FBXO21: variants seen among roughly 807,000 people sequenced by gnomAD.
FBXO21 encodes F-box only protein 21.
Under a neutral mutation model 76.6 loss-of-function variants are expected in FBXO21, and 32 were observed. That is an observed-to-expected ratio of 0.42 (90% CI 0.32 to 0.56). The LOEUF is 0.56. Ranked by LOEUF, FBXO21 falls within the 20% of genes least tolerant of loss-of-function variation. The probability of loss-of-function intolerance (pLI) is 0.16; values close to 1 mark genes in which losing one functional copy is unlikely to be tolerated. For synonymous variants in FBXO21, 328 were observed against 311.5 expected (o/e 1.05, Z -0.56); for missense variants, 586 against 797.3 (o/e 0.73, Z 3.19).
At position 117,165,559 on chromosome 12, in the gene FBXO21, T is replaced by C. The variant is rs1305801772; in HGVS notation, c.1252A>G (p.Met418Val). Residue 418 changes from methionine (M) to valine (V), a missense_variant, in exon 9 of 12, where the codon ATG becomes GTG. Coordinates refer to ENST00000622495, the MANE Select transcript of FBXO21 (RefSeq NM_015002.3). Reference protein sequence around the residue: ...LRDSLDLYLAMYPDQVQLLLL... With the variant: ...LRDSLDLYLAVYPDQVQLLLL... ...AGAAGCTGCACCTGGTCCGGGTACA[T>C]TGCCAGATAGAGATCCAGCGAGTCT... 10 of 1,613,830 alleles carry C rather than the reference T, an allele frequency of 6.2e-6. No homozygotes were observed. The highest frequency in any genetic ancestry group is 1.1e-5 in the South Asian group (1 of 91,072).
At chr12:117,190,128 G>A in intron 1 of FBXO21, 90 bp downstream of exon 1, 2 of 645,046 alleles carry the variant, frequency 3.1e-6, no homozygotes, top group Non-Finnish European at 3.8e-6. Flanking sequence ...CGCGCGCGGG[G>A]CGGCCGCGGG....
At chr12:117,183,525 C>T (rs925802658) in intron 3 of FBXO21, among the ~76,000 whole-genome samples, 3 of 152,356 alleles carry the variant, frequency 2.0e-5, no homozygotes, top group Admixed American at 1.3e-4. Flanking sequence ...TCCCAAAGTG[C>T]TGGGATTACA....
chr12:117,146,569 G>A (rs1296349832), intron 11 of FBXO21, among the ~76,000 whole-genome samples: 3 of 152,186 alleles, frequency 2.0e-5, no homozygotes, highest in South Asian at 2.1e-4. Flanking sequence ...GTCTCTTGGG[G>A]ACTGGCAAAC....
At chr12:117,187,758 C>T (rs1956298142) in intron 2 of FBXO21, among the ~76,000 whole-genome samples, 1 of 152,198 alleles carries the variant, frequency 6.6e-6, no homozygotes, top group Admixed American at 6.5e-5. Flanking sequence ...ATGGAGGTTG[C>T]AGGCTCATAG....
chr12:117,190,127 G>C (rs1191240037), intron 1 of FBXO21, 91 bp downstream of exon 1: 1 of 647,706 alleles, frequency 1.5e-6, no homozygotes, highest in Non-Finnish European at 1.9e-6. Context: ...CCGCGCGCGG[G>C]GCGGCCGCGG....
intron 11 of FBXO21, among the ~76,000 whole-genome samples, chr12:117,153,749 T>C (rs1955876090): frequency 6.6e-6 from 1 of 152,270 alleles, no homozygotes; most frequent in African/African-American, 2.4e-5. Flanking sequence ...TCTCATAGTG[T>C]AGGAACAGCT....
At chr12:117,179,747 T>G (rs772793210) in intron 3 of FBXO21, among the ~76,000 whole-genome samples, 1 of 152,216 alleles carries the variant, frequency 6.6e-6, no homozygotes, top group Non-Finnish European at 1.5e-5. Context: ...GTTCATTCAT[T>G]TGAGGTTACG....
intron 11 of FBXO21, among the ~76,000 whole-genome samples, chr12:117,149,924 G>T (rs987437477): frequency 3.9e-5 from 6 of 152,120 alleles, no homozygotes; most frequent in Admixed American, 3.9e-4. Context: ...TGCATGAGAA[G>T]TCCAGGCAGG....
chr12:117,171,311 T>C (rs1014656701), intron 7 of FBXO21, among the ~76,000 whole-genome samples: 2 of 144,022 alleles, frequency 1.4e-5, no homozygotes, highest in Non-Finnish European at 3.0e-5. Context: ...TAAGCCAAGA[T>C]TGCGCCAATG....
intron 9 of FBXO21, among the ~76,000 whole-genome samples, chr12:117,159,982 C>T (rs1267465649): frequency 1.3e-5 from 2 of 152,164 alleles, no homozygotes; most frequent in Admixed American, 1.3e-4. Context: ...GGCACCATGC[C>T]GTCCCCACCA....
At chr12:117,173,858 T>C (rs1956143597) in intron 6 of FBXO21, among the ~76,000 whole-genome samples, 1 of 152,092 alleles carries the variant, frequency 6.6e-6, no homozygotes, top group Non-Finnish European at 1.5e-5. Flanking sequence ...AAAAAATACA[T>C]ATAGGATGGG....
Position 117,190,443 on chromosome 12 carries a change from G to T in FBXO21, c.14C>A (p.Ala5Glu). 3 of 1,373,948 alleles carry T rather than the reference G, an allele frequency of 2.2e-6. No individual in the cohort carries two copies. The highest frequency in any genetic ancestry group is 2.9e-6 in the Non-Finnish European group (3 of 1,028,536). 85.1% of individuals were successfully genotyped at this position (1,373,948 alleles called of 1,614,324 possible). The stretch of plus-strand genomic sequence containing the variant: ...CACCACCTCCATCGCGCTGTCGACT[G>T]CTGCCGCCGCCATCTTGTCCGCGTA... Reference protein sequence around the residue: MAAAAVDSAMEVVPA... With the variant: MAAAEVDSAMEVVPA... Residue 5 changes from alanine to glutamate, a missense_variant, in exon 1 of 12, where the codon GCA (alanine) becomes GAA (glutamate). Transcript: ENST00000622495.
chr12:117,189,806 A>AG (rs1956326043), intron 1 of FBXO21, among the ~76,000 whole-genome samples: 1 of 152,186 alleles, frequency 6.6e-6, no homozygotes, highest in Non-Finnish European at 1.5e-5. Flanking sequence ...GGGAGTGTGC[A>AG]GGGCCAGATT....
chr12:117,177,569 A>G lies in FBXO21; in HGVS notation c.543T>C (p.Asn181=), dbSNP rs117905145. 2.7e-3 allele frequency: 4,421 copies of G among 1,613,946 alleles called. 13 individuals are homozygous for G. The highest frequency in any genetic ancestry group is 3.4e-3 in the Non-Finnish European group (4,059 of 1,179,830). Residue 181 remains asparagine, a synonymous_variant, in exon 4 of 12, where the codon AAT becomes AAC. Transcript: ENST00000622495. The part of the protein sequence containing the change: ...YYLRQQKILN[N]LKAFLQQPDD... ...CTGGCTGCTGAAGAAAGGCCTTAAG[A>G]TTATTTAAGATCTTCTGTTGCCGCA...
At chr12:117,155,707 G>T in intron 11 of FBXO21, 84 bp downstream of exon 11, 1 of 1,437,342 alleles carries the variant, frequency 7.0e-7, no homozygotes, top group Non-Finnish European at 9.4e-7. Flanking sequence ...GATGGCCCAC[G>T]CCCACAGTAC....
intron 7 of FBXO21, among the ~76,000 whole-genome samples, chr12:117,170,410 G>A (rs1407613014): frequency 6.6e-6 from 1 of 152,144 alleles, no homozygotes; most frequent in African/African-American, 2.4e-5. Flanking sequence ...TATACGGAGA[G>A]CAAAAGCTAA....
chr12:117,145,826 C>A lies in FBXO21; in HGVS notation c.*261G>T. 1 of 315,532 alleles carries A rather than the reference C, an allele frequency of 3.2e-6. No homozygotes were observed. Among genetic ancestry groups the A allele is most frequent in the Non-Finnish European group, 5.8e-6 (1 of 172,652 alleles). 19.5% of individuals were successfully genotyped at this position (315,532 alleles called of 1,614,324 possible). The stretch of plus-strand genomic sequence containing the variant: ...GAAGACAGAATGTCACAAACTGTCA[C>A]CACAGGACAAGCATACAAGCCATGC... On this transcript the variant is annotated 3_prime_UTR_variant, in exon 12 of 12. Transcript: ENST00000622495.
intron 2 of FBXO21, among the ~76,000 whole-genome samples, chr12:117,187,420 CAAAAAAAAAA>C (rs921514232): frequency 8.4e-5 from 5 of 59,694 alleles, no homozygotes; most frequent in African/African-American, 3.0e-4. Context: ...AACTCTGTCT[CAAAAAAAAAA>C]AAAAAAAAAA....
rs1000091136 is a variant in FBXO21 at position 117,190,355 on chromosome 12, C to G, written c.102G>C (p.Pro34=). ...ACAGGATGTACTCCAGCACCTCACC[C>G]GGCAGGTTGACGAGGCAGCTGAGGC... is the stretch of plus-strand genomic sequence containing the variant. ...VAGLSCLVNL[P]GEVLEYILCC... is the part of the protein sequence containing the mutation. Residue 34 remains proline (P), a synonymous_variant, in exon 1 of 12, where the codon CCG becomes CCC. Coordinates refer to ENST00000622495, the MANE Select transcript of FBXO21 (RefSeq NM_015002.3). The G allele has an allele frequency of 2.0e-6, 3 of 1,535,530 alleles. No homozygotes were observed. Among genetic ancestry groups the G allele is most frequent in the Admixed American group, 3.9e-5 (2 of 51,478 alleles).
Sources: gnomAD v4.1 joint callset for allele counts (sites outside exome capture counted in the v4.1 genomes callset) on GRCh38, gnomAD v4.1.1 for gene constraint, MANE v1.5 for transcripts, NCBI Gene and HGNC (gene_info 2026-07-23, HGNC 2026-07-21) for gene names.